Variants in BTBD16 observed in about 807,000 individuals in gnomAD.
BTBD16 encodes BTB domain containing 16, also known as BTB/POZ domain-containing protein 16.
A neutral mutation model predicts 67.4 loss-of-function variants in BTBD16; 66 were observed. That is an observed-to-expected ratio of 0.98 (90% CI 0.80 to 1.20). BTBD16 has a LOEUF of 1.20. BTBD16 is among the 50% of genes most tolerant of loss of function. The pLI is 0.00. For synonymous variants in BTBD16, 242 were observed against 236.4 expected (o/e 1.02, Z -0.22); for missense variants, 634 against 616.0 (o/e 1.03, Z -0.31).
chr10:122,286,731 C>T (rs1285076842), intron 5 of BTBD16, among the ~76,000 whole-genome samples: 3 of 152,130 alleles, frequency 2.0e-5, no homozygotes, highest in Non-Finnish European at 4.4e-5. Context: ...GTTGTCTTTG[C>T]TTTTCTTTCC....
chr10:122,315,821 T>A (rs1324075635), intron 10 of BTBD16, among the ~76,000 whole-genome samples: 9 of 152,230 alleles, frequency 5.9e-5, no homozygotes, highest in Non-Finnish European at 4.4e-5. Context: ...TTTTAGAGCT[T>A]TTTTGAGGAA....
chr10:122,337,372 G>C (rs893740429), intron 15 of BTBD16, among the ~76,000 whole-genome samples: 3 of 152,214 alleles, frequency 2.0e-5, no homozygotes, highest in Non-Finnish European at 2.9e-5. Flanking sequence ...TTTCCTTTGT[G>C]GGGGTGAGGG....
At chr10:122,295,752 C>T (rs1224620418) in intron 7 of BTBD16, among the ~76,000 whole-genome samples, 1 of 152,150 alleles carries the variant, frequency 6.6e-6, no homozygotes, top group African/African-American at 2.4e-5. Flanking sequence ...CATGTTTACT[C>T]AGTACAGGTT....
At chr10:122,298,680 C>T (rs554330144) in intron 8 of BTBD16, among the ~76,000 whole-genome samples, 3 of 152,224 alleles carry the variant, frequency 2.0e-5, no homozygotes, top group South Asian at 2.1e-4. Context: ...GGTTTGCATC[C>T]GGCTCTGCCA....
At chr10:122,274,383 C>T (rs777414216) in intron 1 of BTBD16, among the ~76,000 whole-genome samples, 3 of 152,206 alleles carry the variant, frequency 2.0e-5, no homozygotes, top group Middle Eastern at 3.2e-3. Context: ...ACTCCTGGTG[C>T]GTGCCACCCA....
intron 7 of BTBD16, among the ~76,000 whole-genome samples, chr10:122,292,960 T>C (rs2096376815): frequency 6.6e-6 from 1 of 152,230 alleles, no homozygotes; most frequent in Admixed American, 6.5e-5. Context: ...AAAGAGTAAG[T>C]GAACCAAGTG....
chr10:122,331,580 G>A (rs892379166), intron 12 of BTBD16, among the ~76,000 whole-genome samples: 5 of 152,154 alleles, frequency 3.3e-5, no homozygotes, highest in African/African-American at 7.2e-5. Flanking sequence ...GCAACATAGG[G>A]CATTTAAATT....
intron 10 of BTBD16, among the ~76,000 whole-genome samples, chr10:122,312,991 C>T (rs1352556288): frequency 2.0e-5 from 3 of 152,190 alleles, no homozygotes; most frequent in African/African-American, 7.2e-5. Flanking sequence ...ATTCTCTTGC[C>T]TCAGCCTCCT....
At chr10:122,299,277 G>T in intron 9 of BTBD16, 143 bp downstream of exon 9, 1 of 1,077,498 alleles carries the variant, frequency 9.3e-7, no homozygotes, top group Non-Finnish European at 1.3e-6. Flanking sequence ...CTTGGCTGGG[G>T]CTGGAACTCA....
intron 11 of BTBD16, among the ~76,000 whole-genome samples, chr10:122,330,308 G>A (rs1477742924): frequency 1.3e-5 from 2 of 152,158 alleles, no homozygotes; most frequent in Non-Finnish European, 2.9e-5. Flanking sequence ...GACCTGGGAA[G>A]AGAGATCTAG....
chr10:122,280,548 C>T (rs565383600), intron 3 of BTBD16, among the ~76,000 whole-genome samples: 2 of 149,214 alleles, frequency 1.3e-5, no homozygotes, highest in African/African-American at 2.5e-5. Context: ...GAAGAAGGGA[C>T]CCCTATATTT....
intron 1 of BTBD16, among the ~76,000 whole-genome samples, 169 bp from the exon 2 acceptor site, chr10:122,274,871 A>C (rs2096337025): frequency 6.6e-6 from 1 of 152,210 alleles, no homozygotes; most frequent in South Asian, 2.1e-4. Flanking sequence ...AACAAAACCA[A>C]ACAAAAAACC....
At chr10:122,277,718 A>G (rs2096343856) in intron 3 of BTBD16, among the ~76,000 whole-genome samples, 1 of 151,882 alleles carries the variant, frequency 6.6e-6, no homozygotes, top group Admixed American at 6.6e-5. Flanking sequence ...GTAAGAACCC[A>G]CCCCTGAGGG....
chr10:122,307,096 C>T, intron 9 of BTBD16, 93 bp from the exon 10 acceptor site: 1 of 1,440,984 alleles, frequency 6.9e-7, no homozygotes, highest in Non-Finnish European at 9.3e-7. Context: ...GTGGTGTCAC[C>T]TCATTCCCAA....
rs561462280 is a variant in BTBD16, at chr10:122,332,450, C to T, written c.1101C>T (p.Gly367=). 48 of 1,613,906 alleles carry T rather than the reference C, an allele frequency of 3.0e-5. No individual in the cohort carries two copies. The highest frequency in any genetic ancestry group is 1.7e-4 in the Middle Eastern group (1 of 6,060). ...VNHYHALENG[G]DMVHLKDLNT... ...TTTCCTTTCAGCTGGAGAATGGGGG[C>T]GACATGGTCCACCTGAAAGATCTTA... The change falls in exon 13 of 16, where the codon GGC becomes GGT. Residue 367 remains glycine (G), a synonymous_variant. Coordinates refer to ENST00000260723, the MANE Select transcript of BTBD16 (RefSeq NM_144587.5).
At chr10:122,283,169 G>T (rs902645981) in intron 3 of BTBD16, among the ~76,000 whole-genome samples, 1 of 152,234 alleles carries the variant, frequency 6.6e-6, no homozygotes, top group African/African-American at 2.4e-5. Context: ...TGGGAGGCAG[G>T]CCTCCGAGCA....
chr10:122,279,794 G>T (rs192228249), intron 3 of BTBD16, among the ~76,000 whole-genome samples: 1 of 152,194 alleles, frequency 6.6e-6, no homozygotes, highest in Non-Finnish European at 1.5e-5. Flanking sequence ...CTGTGTTCAT[G>T]TCATGGATGG....
At chr10:122,329,629 C>G (rs1489253518) in intron 11 of BTBD16, 58 bp downstream of exon 11, 1 of 1,449,478 alleles carries the variant, frequency 6.9e-7, no homozygotes, top group African/African-American at 1.4e-5. Context: ...CCTGCCCACC[C>G]CCCAGCCACT....
chr10:122,331,292 G>A (rs1464638199), intron 12 of BTBD16, 34 bp downstream of exon 12: 15 of 1,603,076 alleles, frequency 9.4e-6, no homozygotes, highest in South Asian at 3.4e-5. Flanking sequence ...CACAGTTGTC[G>A]AAGTTTATTG....
Sources: allele counts gnomAD v4.1 joint callset (sites outside exome capture counted in the v4.1 genomes callset), GRCh38; gene constraint gnomAD v4.1.1; transcripts MANE v1.5; gene names NCBI Gene and HGNC (gene_info 2026-07-23, HGNC 2026-07-21).